Variants in DNAH9 observed in about 807,000 individuals in gnomAD.
DNAH9 encodes the protein dynein axonemal heavy chain 9.
Under a neutral mutation model 471.6 loss-of-function variants are expected in DNAH9, and 345 were observed. The observed-to-expected ratio is 0.73, with a 90% CI of 0.67 to 0.80. The LOEUF (loss-of-function observed/expected upper bound fraction) is 0.80, where lower values mean the gene tolerates loss of function less well. Among genes scored for constraint, DNAH9 ranks in the 30% least tolerant of loss-of-function variants. DNAH9 has a pLI of 0.00. For synonymous variants in DNAH9, 2,093 were observed against 2,123.6 expected (o/e 0.99, Z 0.40); for missense variants, 5,407 against 5,609.2 (o/e 0.96, Z 1.15).
Position 11,784,332 on chromosome 17 carries a change from G to A in DNAH9, c.7854G>A (p.Pro2618=), listed in dbSNP as rs778139255. The A allele has an allele frequency of 1.2e-5, 20 of 1,613,874 alleles. No homozygotes were observed. The highest frequency in any genetic ancestry group is 3.3e-5 in the Admixed American group (2 of 59,976). ...RHFSVFVLSF[P]GADALSSIYS... ...TCAGCGTGTTTGTCCTCTCCTTCCC[G>A]GGGGCAGATGCCCTGTCCTCTATCT... The change falls in exon 41 of 69, where the codon CCG becomes CCA. Residue 2618 remains proline, a synonymous_variant. Transcript: ENST00000262442.
intron 35 of DNAH9, among the ~76,000 whole-genome samples, chr17:11,760,006 G>C (rs1036402041): frequency 1.3e-5 from 2 of 152,046 alleles, no homozygotes; most frequent in African/African-American, 4.8e-5. Flanking sequence ...ATTTTTAGTA[G>C]AGACAGGGTT....
chr17:11,886,822 C>T lies in DNAH9; in HGVS notation c.10972-3C>T. 3 of 1,603,644 alleles carry T rather than the reference C, an allele frequency of 1.9e-6. No individual in the cohort carries two copies. Among genetic ancestry groups the T allele is most frequent in the Non-Finnish European group, 2.6e-6 (3 of 1,174,598 alleles). ...AGTGGGCTGCTGTTTATTTTTCCAA[C>T]AGGTCCAGGAGGCCAAGGTGACTGA... On this transcript the variant is annotated splice_region_variant and splice_polypyrimidine_tract_variant and intron_variant, in intron 56 of 68. Coordinates refer to ENST00000262442, the MANE Select transcript of DNAH9 (RefSeq NM_001372.4).
In DNAH9 at chr17:11,636,671, T is replaced by C. The variant is rs781749122; in HGVS notation, c.1673T>C (p.Leu558Pro). The change falls in exon 9 of 69, where the codon CTG (leucine) becomes CCG (proline). Residue 558 changes from leucine to proline, a missense_variant. Leu to Pro is a moderately conservative substitution (Grantham distance 98). Coordinates refer to ENST00000262442, the MANE Select transcript of DNAH9 (RefSeq NM_001372.4). ...DIAGNLLERPLVARDTSDKYL... is the reference protein window; with the variant it reads ...DIAGNLLERPPVARDTSDKYL... ...GCAGGAAACCTCCTTGAAAGACCGC[T>C]GGTAGCGAGGGATACATCTGATAAA... The C allele has an allele frequency of 6.2e-7, 1 of 1,613,940 alleles. No individual in the cohort carries two copies. Among genetic ancestry groups the C allele is most frequent in the Non-Finnish European group, 8.5e-7 (1 of 1,179,796 alleles).
intron 41 of DNAH9, among the ~76,000 whole-genome samples, chr17:11,786,787 C>T (rs1426665457): frequency 6.6e-6 from 1 of 152,092 alleles, no homozygotes; most frequent in Non-Finnish European, 1.5e-5. Flanking sequence ...AAGGAGGAAC[C>T]AGACAGCAGA....
At chr17:11,915,534 CACAA>C (rs1567897240) in intron 61 of DNAH9, among the ~76,000 whole-genome samples, 1 of 149,550 alleles carries the variant, frequency 6.7e-6, no homozygotes, top group African/African-American at 2.5e-5. Context: ...AACAAACAAA[CACAA>C]ACACACACAA....
chr17:11,617,359 G>C (rs1453060577), intron 4 of DNAH9, 52 bp from the exon 5 acceptor site: 9 of 1,325,000 alleles, frequency 6.8e-6, no homozygotes, highest in Non-Finnish European at 8.6e-6. Context: ...GGCTCCACCA[G>C]GTGGGTATTA....
Position 11,901,904 on chromosome 17 carries a change from C to A in DNAH9, c.11407-815C>A, listed in dbSNP as rs114279917. Among the ~76,000 whole-genome samples the A allele has an allele frequency of 5.9e-3, 896 of 152,318 alleles. 13 individuals carry two copies. The highest frequency in any genetic ancestry group is 0.021 in the African/African-American group (853 of 41,574). ...GGTTTACAAAAGGATGGGAGGTCTA[C>A]ATGTTCTACATTAGGAAGGATGGCC... On this transcript the variant is annotated intron_variant, in intron 59 of 68. Coordinates refer to ENST00000262442, the MANE Select transcript of DNAH9 (RefSeq NM_001372.4).
chr17:11,704,377 A>G lies in DNAH9; in HGVS notation c.5326A>G (p.Ile1776Val), dbSNP rs373666247. The change falls in exon 25 of 69, where the codon ATT becomes GTT. Residue 1776 changes from isoleucine (I) to valine (V), a missense_variant. Coordinates refer to ENST00000262442, the MANE Select transcript of DNAH9 (RefSeq NM_001372.4). ...GQLSKGDRQK[I>V]MTICTIDVHA... is the part of the protein sequence containing the mutation. ...GCTCTCCAAGGGAGACCGGCAGAAG[A>G]TTATGACTATATGCACCATCGATGT... 8.1e-5 allele frequency: 130 copies of G among 1,614,130 alleles called. No individual in the cohort carries two copies. The African/African-American group carries it at 1.5e-3, about 19-fold the overall frequency.
At chr17:11,771,180 T>G (rs1325941984) in intron 38 of DNAH9, among the ~76,000 whole-genome samples, 1 of 152,172 alleles carries the variant, frequency 6.6e-6, no homozygotes, top group Non-Finnish European at 1.5e-5. Flanking sequence ...CAGGCTGGAG[T>G]GCAGTGGCAT....
chr17:11,819,245 G>A (rs1452594182), intron 45 of DNAH9, among the ~76,000 whole-genome samples: 1 of 152,080 alleles, frequency 6.6e-6, no homozygotes, highest in Non-Finnish European at 1.5e-5. Context: ...TATATATTTA[G>A]AAATATTGAG....
Position 11,669,185 on chromosome 17 carries a change from T to C in DNAH9, c.2853T>C (p.Gly951=). 1.2e-6 allele frequency: 2 copies of C among 1,613,726 alleles called. No homozygotes were observed. Among genetic ancestry groups the C allele is most frequent in the East Asian group, 4.5e-5 (2 of 44,842 alleles). The part of the protein sequence containing the change: ...VKGGFCDIVE[G]LITSIFRIPS... ...GGGGTTTCTGTGACATTGTTGAGGGTCTCATCACCAGCATTTTTAGGATAC... is the reference window on the plus strand; with the variant it reads ...GGGGTTTCTGTGACATTGTTGAGGGCCTCATCACCAGCATTTTTAGGATAC... The change falls in exon 16 of 69, where the codon GGT becomes GGC. Residue 951 remains glycine, a synonymous_variant. Transcript: ENST00000262442.
rs1162985036 is a variant in DNAH9, at chr17:11,623,155, G to T, written c.1350+3374G>T. Among the ~76,000 whole-genome samples the T allele has an allele frequency of 6.6e-6, 1 of 151,732 alleles. No homozygotes were observed. The highest frequency in any genetic ancestry group is 1.5e-5 in the Non-Finnish European group (1 of 67,948). ...TGCCTGGTTAATTTTTGTATTTTTA[G>T]TAGAGACAGGGTCTTTCTGTGTTGG... On this transcript the variant is annotated intron_variant, in intron 6 of 68. Coordinates refer to ENST00000262442, the MANE Select transcript of DNAH9 (RefSeq NM_001372.4). The surrounding 1 kb of genome is among the most constrained non-coding windows in gnomAD (Gnocchi z 4.1).
rs532051769 is a variant in DNAH9 at position 11,736,016 on chromosome 17, T to A, written c.5815-2864T>A. 2.6e-5 allele frequency among the ~76,000 whole-genome samples: 4 copies of A among 152,322 alleles called. No homozygotes were observed. In the East Asian group the frequency reaches 7.7e-4, roughly 29 times the overall value. On this transcript the variant is annotated intron_variant, in intron 28 of 68. Coordinates refer to ENST00000262442, the MANE Select transcript of DNAH9 (RefSeq NM_001372.4). ...TTTCTTTTTTTTTCTTTTAACTTTTTATTTTGAACCAATTTTAGATTTATA... is the reference window on the plus strand; with the variant it reads ...TTTCTTTTTTTTTCTTTTAACTTTTAATTTTGAACCAATTTTAGATTTATA...
chr17:11,942,044 T>C (rs1016039460), intron 66 of DNAH9, among the ~76,000 whole-genome samples: 13 of 152,186 alleles, frequency 8.5e-5, no homozygotes, highest in Non-Finnish European at 1.6e-4. Context: ...CTTAGAGAGC[T>C]ATCTGTGTTC....
intron 59 of DNAH9, among the ~76,000 whole-genome samples, chr17:11,898,156 C>T (rs558521820): frequency 4.7e-5 from 7 of 149,604 alleles, no homozygotes; most frequent in East Asian, 2.0e-4. Flanking sequence ...GGCGGAGTCT[C>T]GCTGTGTCGC....
At chr17:11,920,698 G>A (rs960846279) in intron 61 of DNAH9, among the ~76,000 whole-genome samples, 2 of 151,734 alleles carry the variant, frequency 1.3e-5, no homozygotes, top group Admixed American at 6.6e-5. Context: ...GTCATCCATA[G>A]TGACATTAGA....
chr17:11,634,322 A>G (rs1211046614), intron 8 of DNAH9, among the ~76,000 whole-genome samples: 1 of 152,172 alleles, frequency 6.6e-6, no homozygotes, highest in Non-Finnish European at 1.5e-5. Context: ...TCTCCAATTG[A>G]CATAAGCTCA....
chr17:11,727,788 GTAATT>G, intron 27 of DNAH9, 25 bp from the exon 28 acceptor site: 1 of 1,493,540 alleles, frequency 6.7e-7, no homozygotes, highest in Non-Finnish European at 9.3e-7. Flanking sequence ...TGGCCCGTTG[GTAATT>G]TAATCTTTGT....
chr17:11,777,075 A>G (rs1166959161), intron 38 of DNAH9, among the ~76,000 whole-genome samples: 1 of 152,154 alleles, frequency 6.6e-6, no homozygotes. Flanking sequence ...CTGTAGCCTG[A>G]TATCTGTTTT....
Sources: gnomAD v4.1 joint callset for allele counts (sites outside exome capture counted in the v4.1 genomes callset) on GRCh38, gnomAD v4.1.1 for gene constraint, Gnocchi (gnomAD v3.1) non-coding constraint, MANE v1.5 for transcripts, NCBI Gene and HGNC (gene_info 2026-07-23, HGNC 2026-07-21) for gene names.